Variants in MALRD1 observed in about 807,000 individuals in gnomAD.
The protein encoded by MALRD1 is MAM and LDL receptor class A domain containing 1, also known as MAM and LDL-receptor class A domain-containing protein 1.
In MALRD1, 247 loss-of-function variants were observed where a neutral mutation model predicts 242.1. The observed-to-expected ratio is 1.02, with a 90% CI of 0.92 to 1.13. MALRD1 has a LOEUF of 1.13. MALRD1 is among the 50% of genes most tolerant of loss of function. MALRD1 has a pLI of 0.00. For missense variants in MALRD1, 2,989 were observed against 2,533.1 expected, an observed-to-expected ratio of 1.18 and a Z score of -3.86; for synonymous variants, 995 against 866.6, an observed-to-expected ratio of 1.15 and a Z score of -2.60.
At chr10:19,290,581 T>C (rs1417136065) in intron 21 of MALRD1, 1 of 152,204 alleles carries the variant, frequency 6.6e-6, no homozygotes, top group East Asian at 1.9e-4. Flanking sequence ...CTTTAAATTA[T>C]GTAGGGAAGG....
At chr10:19,530,246 C>T (rs1258988781) in intron 31 of MALRD1, among the ~76,000 whole-genome samples, 1 of 143,750 alleles carries the variant, frequency 7.0e-6, no homozygotes, top group Non-Finnish European at 1.5e-5. Flanking sequence ...TCCTTTAAAC[C>T]TAAAATTGCT....
chr10:19,368,049 A>G (rs1307701170), intron 26 of MALRD1, among the ~76,000 whole-genome samples: 1 of 152,076 alleles, frequency 6.6e-6, no homozygotes, highest in East Asian at 1.9e-4. Flanking sequence ...TTTTCAATTC[A>G]ACAGGCTGTC....
At chr10:19,157,985 C>A (rs1229434991) in intron 12 of MALRD1, among the ~76,000 whole-genome samples, 1 of 152,170 alleles carries the variant, frequency 6.6e-6, no homozygotes, top group East Asian at 1.9e-4. Flanking sequence ...GTTCAAGATG[C>A]AGACTTTAAT....
intron 2 of MALRD1, among the ~76,000 whole-genome samples, chr10:19,074,197 C>T (rs755110822): frequency 6.6e-6 from 1 of 152,102 alleles, no homozygotes; most frequent in Admixed American, 6.6e-5. Flanking sequence ...ACCCAAACTC[C>T]TTCACAGTTG....
intron 29 of MALRD1, among the ~76,000 whole-genome samples, chr10:19,454,456 T>TTA (rs566787917): frequency 0.027 from 3,351 of 125,486 alleles, 56 homozygotes; most frequent in Non-Finnish European, 0.04. Flanking sequence ...TACATATAAA[T>TTA]TATATATATA....
At chr10:19,215,896 C>A (rs1837291733) in intron 18 of MALRD1, among the ~76,000 whole-genome samples, 1 of 151,078 alleles carries the variant, frequency 6.6e-6, no homozygotes, top group Non-Finnish European at 1.5e-5. Context: ...AAATTGAAAC[C>A]TTTGCATAGT....
chr10:19,051,500 C>T (rs1027717035), intron 1 of MALRD1: 38 of 194,804 alleles, frequency 2.0e-4, no homozygotes, highest in Non-Finnish European at 3.3e-4. Context: ...TCTCAATTTC[C>T]GACTGTTGGA....
At chr10:19,526,093 C>CTTTG (rs111413751) in intron 31 of MALRD1, among the ~76,000 whole-genome samples, 9,242 of 152,028 alleles carry the variant, frequency 0.061, 322 homozygotes, top group Middle Eastern at 0.099. Flanking sequence ...ATATTCTGAA[C>CTTTG]TTTGTGCAAG....
At chr10:19,233,720 G>C (rs191875077) in intron 18 of MALRD1, among the ~76,000 whole-genome samples, 1 of 152,054 alleles carries the variant, frequency 6.6e-6, no homozygotes, top group African/African-American at 2.4e-5. Context: ...GTAATGAAAA[G>C]CAAGATTGTA....
At chr10:19,228,156 C>T (rs116715174) in intron 18 of MALRD1, among the ~76,000 whole-genome samples, 2,169 of 151,774 alleles carry the variant, frequency 0.014, 45 homozygotes, top group African/African-American at 0.05. Context: ...AAGTTCATAG[C>T]AGATGTGTCC....
chr10:19,337,017 T>C (rs1403574530), intron 24 of MALRD1, among the ~76,000 whole-genome samples: 1 of 152,124 alleles, frequency 6.6e-6, no homozygotes, highest in African/African-American at 2.4e-5. Flanking sequence ...ACTTCTTTGT[T>C]AAACAGAAAA....
chr10:19,518,107 A>G (rs2131308230), intron 31 of MALRD1, among the ~76,000 whole-genome samples: 1 of 152,272 alleles, frequency 6.6e-6, no homozygotes, highest in South Asian at 2.1e-4. Flanking sequence ...GAATATTGTC[A>G]TTAGTTGCCT....
At chr10:19,216,813 G>A (rs1167937588) in intron 18 of MALRD1, among the ~76,000 whole-genome samples, 3 of 151,904 alleles carry the variant, frequency 2.0e-5, no homozygotes, top group Non-Finnish European at 4.4e-5. Flanking sequence ...GGGCGTGGTG[G>A]TGCGTGCCTG....
intron 33 of MALRD1, among the ~76,000 whole-genome samples, chr10:19,581,767 T>C (rs1265181731): frequency 6.6e-6 from 1 of 150,932 alleles, no homozygotes. Context: ...ATGGTATTTC[T>C]AGTTCTAGAT....
intron 38 of MALRD1, among the ~76,000 whole-genome samples, chr10:19,729,217 T>C (rs186946533): frequency 3.2e-4 from 49 of 152,352 alleles, no homozygotes; most frequent in Non-Finnish European, 5.1e-4. Context: ...CTGCAGTTTC[T>C]TTGAAAAGGA....
Position 19,722,871 on chromosome 10 carries a change from A to G in MALRD1, c.6315-7835A>G, listed in dbSNP as rs564128231. Among the ~76,000 whole-genome samples, 5 of 152,214 alleles carry G rather than the reference A, an allele frequency of 3.3e-5. No homozygotes were observed. The South Asian group carries it at 1.0e-3, about 32-fold the overall frequency. On this transcript the variant is annotated intron_variant, in intron 38 of 39. Coordinates refer to ENST00000454679, the MANE Select transcript of MALRD1 (RefSeq NM_001142308.3). The stretch of plus-strand genomic sequence containing the variant: ...ATGTCATTTCATCTAAGAGACAGAA[A>G]CCAACAGTTGCCACCCTCTGAAAAG...
chr10:19,174,377 A>G (rs962387768), intron 13 of MALRD1, among the ~76,000 whole-genome samples: 1 of 152,108 alleles, frequency 6.6e-6, no homozygotes, highest in Non-Finnish European at 1.5e-5. Flanking sequence ...TTGTATTTTG[A>G]GATAGCATGT....
intron 11 of MALRD1, among the ~76,000 whole-genome samples, chr10:19,153,428 A>T (rs1834012832): frequency 6.6e-6 from 1 of 152,206 alleles, no homozygotes; most frequent in Non-Finnish European, 1.5e-5. Flanking sequence ...TAAAAATTAA[A>T]TAGGGAGCCA....
At chr10:19,560,771 A>G (rs1457398781) in intron 32 of MALRD1, among the ~76,000 whole-genome samples, 1 of 151,870 alleles carries the variant, frequency 6.6e-6, no homozygotes, top group Non-Finnish European at 1.5e-5. Flanking sequence ...ATGAGAACAT[A>G]TGGACACAGG....
Sources: allele counts gnomAD v4.1 joint callset (sites outside exome capture counted in the v4.1 genomes callset), GRCh38; gene constraint gnomAD v4.1.1; transcripts MANE v1.5; gene names NCBI Gene and HGNC (gene_info 2026-07-23, HGNC 2026-07-21).